The following GABRB1 variants were observed in gnomAD, a reference collection of about 807,000 sequenced individuals.
The protein encoded by GABRB1 is gamma-aminobutyric acid receptor subunit beta-1.
Under a neutral mutation model 51.6 loss-of-function variants are expected in GABRB1, and 17 were observed. The observed-to-expected ratio is 0.33, with a 90% confidence interval of 0.23 to 0.49. The LOEUF is 0.49. GABRB1 is among the 20% of genes least tolerant of loss of function. The pLI, the probability that GABRB1 is intolerant of heterozygous loss-of-function variation, is 0.99. For missense variants in GABRB1, 410 were observed against 600.6 expected (o/e 0.68, Z 3.32); for synonymous variants, 247 against 218.9 (o/e 1.13, Z -1.14).
chr4:47,178,509 G>T (rs1718798273), intron 4 of GABRB1, among the ~76,000 whole-genome samples: 1 of 152,060 alleles, frequency 6.6e-6, no homozygotes, highest in African/African-American at 2.4e-5. Context: ...TGGAGCTAAA[G>T]AAGAATAAAG....
intron 4 of GABRB1, among the ~76,000 whole-genome samples, chr4:47,177,648 T>C (rs1718757146): frequency 6.6e-6 from 1 of 152,066 alleles, no homozygotes; most frequent in South Asian, 2.1e-4. Flanking sequence ...AAGAAAGAAC[T>C]TCAGATTTGG....
intron 3 of GABRB1, among the ~76,000 whole-genome samples, chr4:47,158,856 T>C (rs1717814156): frequency 6.6e-6 from 1 of 152,102 alleles, no homozygotes; most frequent in Non-Finnish European, 1.5e-5. Context: ...TACTAATGTG[T>C]ACATAGCAAT....
At chr4:47,135,980 GT>G (rs1350389953) in intron 3 of GABRB1, among the ~76,000 whole-genome samples, 2 of 151,724 alleles carry the variant, frequency 1.3e-5, no homozygotes, top group Admixed American at 6.6e-5. Context: ...TTGAATACTG[GT>G]TTTTGTGGGG....
chr4:47,171,034 T>C (rs969195235), intron 4 of GABRB1, among the ~76,000 whole-genome samples: 1 of 152,206 alleles, frequency 6.6e-6, no homozygotes, highest in Non-Finnish European at 1.5e-5. Flanking sequence ...TCTTTTTTGG[T>C]ATATATGGCA....
chr4:47,175,483 G>A (rs28621672), intron 4 of GABRB1, among the ~76,000 whole-genome samples: 21,030 of 152,062 alleles, frequency 0.14, 1,901 homozygotes, highest in East Asian at 0.32. Context: ...CTTAGAAAGT[G>A]TCTACTCTTA....
At chr4:47,025,058 A>G (rs990888979) in intron 1 of GABRB1, among the ~76,000 whole-genome samples, 1 of 149,280 alleles carries the variant, frequency 6.7e-6, no homozygotes, top group African/African-American at 2.5e-5. Context: ...CAATTTCATA[A>G]ATCCATATAT....
intron 3 of GABRB1, among the ~76,000 whole-genome samples, chr4:47,059,673 G>A (rs76057010): frequency 1.2e-3 from 180 of 152,278 alleles, no homozygotes; most frequent in African/African-American, 4.1e-3. Flanking sequence ...TGCAGTATGC[G>A]AAGCAGGTGT....
intron 5 of GABRB1, among the ~76,000 whole-genome samples, chr4:47,398,708 G>A (rs1277127582): frequency 1.4e-5 from 2 of 144,152 alleles, no homozygotes; most frequent in Non-Finnish European, 3.0e-5. Flanking sequence ...CCTCAGCCTC[G>A]CGAGTAGCTG....
At chr4:47,252,700 C>A (rs970108977) in intron 4 of GABRB1, among the ~76,000 whole-genome samples, 5 of 151,632 alleles carry the variant, frequency 3.3e-5, no homozygotes, top group African/African-American at 9.7e-5. Flanking sequence ...TAGAGACGGG[C>A]TTTCACCATA....
intron 1 of GABRB1, among the ~76,000 whole-genome samples, chr4:47,008,744 G>T (rs1311993442): frequency 1.3e-5 from 2 of 149,168 alleles, no homozygotes; most frequent in South Asian, 2.1e-4. Context: ...CTCTGAAAGT[G>T]CTGGGATTAC....
intron 1 of GABRB1, among the ~76,000 whole-genome samples, chr4:47,007,708 T>C (rs115353882): frequency 1.7e-3 from 264 of 151,964 alleles, no homozygotes; most frequent in African/African-American, 6.1e-3. Context: ...TTGAAGTCAA[T>C]AGCAATAGAT....
chr4:47,090,702 TA>T (rs1214263407), intron 3 of GABRB1, among the ~76,000 whole-genome samples: 1 of 152,296 alleles, frequency 6.6e-6, no homozygotes, highest in Non-Finnish European at 1.5e-5. Flanking sequence ...TTAGAGAACC[TA>T]CTACATTAAA....
chr4:47,259,658 T>C (rs1560302154), intron 4 of GABRB1, among the ~76,000 whole-genome samples: 1 of 152,180 alleles, frequency 6.6e-6, no homozygotes, highest in African/African-American at 2.4e-5. Flanking sequence ...CAAGGTTATA[T>C]GACAAGCGGC....
chr4:47,255,252 T>C (rs1032183053), intron 4 of GABRB1, among the ~76,000 whole-genome samples: 2 of 152,234 alleles, frequency 1.3e-5, no homozygotes, highest in Non-Finnish European at 2.9e-5. Flanking sequence ...CATCATTAAC[T>C]GTTATTACTA....
At chr4:47,111,969 C>CTT (rs372238269) in intron 3 of GABRB1, among the ~76,000 whole-genome samples, 2,819 of 137,808 alleles carry the variant, frequency 0.02, 60 homozygotes, top group Admixed American at 0.039. Flanking sequence ...AAGTAGTATT[C>CTT]TTTTTTTTTT....
intron 4 of GABRB1, among the ~76,000 whole-genome samples, chr4:47,303,954 T>C (rs1320944359): frequency 2.6e-5 from 4 of 152,080 alleles, no homozygotes; most frequent in African/African-American, 9.7e-5. Flanking sequence ...TAACATGATG[T>C]CCTCTAGGTT....
At chr4:47,029,975 C>T (rs986985770), upstream of GABRB1, among the ~76,000 whole-genome samples, 3 of 151,816 alleles carry the variant, frequency 2.0e-5, no homozygotes, top group South Asian at 2.1e-4. Context: ...CTCTTTTTTT[C>T]TTCTTCTTCT....
At chr4:47,222,118 G>A (rs1720790814) in intron 4 of GABRB1, among the ~76,000 whole-genome samples, 1 of 152,088 alleles carries the variant, frequency 6.6e-6, no homozygotes, top group Non-Finnish European at 1.5e-5. Flanking sequence ...GCTGAAACAA[G>A]AAAGCAAAGC....
At chr4:47,264,290 C>A (rs1200763961) in intron 4 of GABRB1, among the ~76,000 whole-genome samples, 1 of 152,168 alleles carries the variant, frequency 6.6e-6, no homozygotes. Flanking sequence ...TTCCCCCACC[C>A]CGCCAAGCAT....
Sources: gnomAD v4.1 joint callset for allele counts (sites outside exome capture counted in the v4.1 genomes callset) on GRCh38, gnomAD v4.1.1 for gene constraint, MANE v1.5 for transcripts, NCBI Gene and HGNC (gene_info 2026-07-23, HGNC 2026-07-21) for gene names.